ZMIZ1: variants seen among roughly 807,000 people sequenced by gnomAD.
ZMIZ1 encodes the protein zinc finger MIZ-type containing 1.
ZMIZ1 carries 17 observed loss-of-function variants against 113.9 expected under a neutral mutation model. The observed-to-expected ratio is 0.15, with a 90% CI of 0.10 to 0.22. The LOEUF is 0.22. ZMIZ1 is among the 10% of genes least tolerant of loss of function. ZMIZ1 has a pLI of 1.00. For synonymous variants in ZMIZ1, 607 were observed against 603.1 expected (o/e 1.01, Z -0.09); for missense variants, 1,059 against 1,477.8 (o/e 0.72, Z 4.65).
chr10:79,184,525 C>T (rs1326002486), intron 4 of ZMIZ1, among the ~76,000 whole-genome samples: 2 of 152,176 alleles, frequency 1.3e-5, no homozygotes, highest in African/African-American at 2.4e-5. Flanking sequence ...CCAGAGGCGC[C>T]CGGATAAGTG....
intron 2 of ZMIZ1, among the ~76,000 whole-genome samples, chr10:79,125,390 G>A (rs1004424164): frequency 1.3e-5 from 2 of 152,330 alleles, no homozygotes; most frequent in Non-Finnish European, 2.9e-5. Context: ...TTTCCCAAGA[G>A]AGGTAGGTCT....
At chr10:79,305,751 C>CG (rs1564604440) in intron 21 of ZMIZ1, 150 bp downstream of exon 21, 1 of 828,484 alleles carries the variant, frequency 1.2e-6, no homozygotes, top group Admixed American at 2.3e-5. Flanking sequence ...CCCTTACCCT[C>CG]GGGGGCCTCT....
chr10:79,169,868 G>T (rs569430119), intron 4 of ZMIZ1, among the ~76,000 whole-genome samples: 1 of 152,350 alleles, frequency 6.6e-6, no homozygotes, highest in South Asian at 2.1e-4. Flanking sequence ...TGCCCTTGGG[G>T]AGATACCTCC....
intron 2 of ZMIZ1, among the ~76,000 whole-genome samples, chr10:79,120,008 G>T (rs7900752): frequency 0.024 from 3,627 of 148,622 alleles, 133 homozygotes; most frequent in African/African-American, 0.076. Context: ...CCAGTGATGT[G>T]GCAAGCCCCA....
chr10:79,097,705 C>A (rs1843219105), intron 1 of ZMIZ1, among the ~76,000 whole-genome samples: 1 of 152,084 alleles, frequency 6.6e-6, no homozygotes, highest in Admixed American at 6.5e-5. Context: ...AGATTTGGGG[C>A]CTTTGATATA....
intron 7 of ZMIZ1, among the ~76,000 whole-genome samples, chr10:79,229,149 C>A (rs562766694): frequency 2.6e-4 from 40 of 152,358 alleles, no homozygotes; most frequent in Non-Finnish European, 4.0e-4. Context: ...AGCTGTCTCT[C>A]CAGGGACCAT....
chr10:79,207,353 G>A (rs906976363), intron 5 of ZMIZ1, among the ~76,000 whole-genome samples: 1 of 152,188 alleles, frequency 6.6e-6, no homozygotes, highest in African/African-American at 2.4e-5. Flanking sequence ...CAGCCAAATT[G>A]GGCCAGAGCC....
intron 4 of ZMIZ1, among the ~76,000 whole-genome samples, chr10:79,194,815 A>G (rs2099089071): frequency 6.6e-6 from 1 of 152,144 alleles, no homozygotes; most frequent in African/African-American, 2.4e-5. Flanking sequence ...CTTTTCTTGA[A>G]CTAGTCTTCT....
chr10:79,296,717 C>G lies in ZMIZ1; in HGVS notation c.1413+64C>G, dbSNP rs1422092541. 1 of 1,454,182 alleles carries G rather than the reference C, an allele frequency of 6.9e-7. No individual in the cohort carries two copies. Among genetic ancestry groups the G allele is most frequent in the Non-Finnish European group, 9.2e-7 (1 of 1,083,680 alleles). The allele number at this position is 1,454,182 out of a possible 1,614,324, so 90.1% of individuals were successfully genotyped here. On this transcript the variant is annotated intron_variant, in intron 13 of 24. Transcript: ENST00000334512. This position sits in a 1 kb window ranked among gnomAD's most constrained non-coding sequence, Gnocchi z 4.1. ...CCTCCTAACCACCTCACTCCCCTAA[C>G]TCCACCGGGATCACTCTGACCCTGC... is the stretch of plus-strand genomic sequence containing the variant.
At chr10:79,292,490 G>A (rs1457270254) in intron 11 of ZMIZ1, 134 bp downstream of exon 11, 7 of 1,203,944 alleles carry the variant, frequency 5.8e-6, no homozygotes, top group Non-Finnish European at 8.3e-6. Flanking sequence ...GGGTGCATTT[G>A]GGCTTTCATG....
In ZMIZ1 at chr10:79,292,354, C is replaced by T; in HGVS notation, c.955C>T (p.Pro319Ser). 1.9e-6 allele frequency: 3 copies of T among 1,603,982 alleles called. No individual in the cohort carries two copies. The highest frequency in any genetic ancestry group is 2.6e-6 in the Non-Finnish European group (3 of 1,172,246). The change falls in exon 11 of 25, where the codon CCG becomes TCG. Residue 319 changes from proline to serine, a missense_variant and splice_region_variant. Transcript: ENST00000334512. Reference sequence around the variant, plus strand: ...GAACAAGGATATAAACCAGTATGGACCGGTAAGGGTTCCCACTAATCCTGG... The same window carrying T: ...GAACAAGGATATAAACCAGTATGGATCGGTAAGGGTTCCCACTAATCCTGG... The part of the protein sequence containing the change: ...TQNKDINQYG[P>S]MGPTQAYNSQ...
intron 4 of ZMIZ1, among the ~76,000 whole-genome samples, chr10:79,170,959 G>C (rs1217048545): frequency 1.3e-5 from 2 of 152,166 alleles, no homozygotes; most frequent in African/African-American, 2.4e-5. Context: ...GCCATCTCAG[G>C]ACAGGTCCGA....
chr10:79,089,224 G>A (rs899925196), intron 1 of ZMIZ1, among the ~76,000 whole-genome samples: 4 of 152,336 alleles, frequency 2.6e-5, no homozygotes, highest in African/African-American at 9.6e-5. Flanking sequence ...GTTCTCCGTG[G>A]TCCACGGCCG....
chr10:79,100,159 G>A (rs749285568), intron 1 of ZMIZ1, among the ~76,000 whole-genome samples: 1 of 152,108 alleles, frequency 6.6e-6, no homozygotes, highest in African/African-American at 2.4e-5. Flanking sequence ...AGCATGAGGG[G>A]CTGGTGGCTG....
At chr10:79,312,219 T>G (rs1248035451) in intron 24 of ZMIZ1, among the ~76,000 whole-genome samples, 1 of 152,172 alleles carries the variant, frequency 6.6e-6, no homozygotes, top group Non-Finnish European at 1.5e-5. Flanking sequence ...GTTGGGGGGT[T>G]GGGGGCGGTG....
At chr10:79,299,483 T>G (rs1441504642) in intron 16 of ZMIZ1, among the ~76,000 whole-genome samples, 1 of 152,250 alleles carries the variant, frequency 6.6e-6, no homozygotes, top group African/African-American at 2.4e-5. Flanking sequence ...GTATCCCATC[T>G]GAGACCGTGA....
At chr10:79,114,537 G>A (rs11002827) in intron 1 of ZMIZ1, among the ~76,000 whole-genome samples, 20,068 of 139,330 alleles carry the variant, frequency 0.14, 1,755 homozygotes, top group East Asian at 0.24. Flanking sequence ...GTGTGTGTGT[G>A]TGTGAAGGTG....
rs1374631216 is a variant in ZMIZ1 at position 79,242,672 on chromosome 10, C to A, written c.280+26398C>A. Among the ~76,000 whole-genome samples, 3 of 150,924 alleles carry A rather than the reference C, an allele frequency of 2.0e-5. No individual in the cohort carries two copies. The East Asian group carries it at 5.9e-4, about 30-fold the overall frequency. ...AGGATTCGCTGGGGGGCGGGAGACACCCGAAGTCATCCACCGCCAGCGCCT... is the reference window on the plus strand; with the variant it reads ...AGGATTCGCTGGGGGGCGGGAGACAACCGAAGTCATCCACCGCCAGCGCCT... On this transcript the variant is annotated intron_variant, in intron 7 of 24. Coordinates refer to ENST00000334512, the MANE Select transcript of ZMIZ1 (RefSeq NM_020338.4).
rs201631904 is a variant in ZMIZ1, at chr10:79,201,683, C to T, written c.51C>T (p.Cys17=). 1.0e-4 allele frequency: 169 copies of T among 1,613,174 alleles called. 1 individual carries two copies. In the East Asian group the frequency reaches 2.3e-3, roughly 22 times the overall value. ...AGCAGACCAATGACCGACTGCAGTGCATCAAGCAGGTGGGTGTGGGGCAAG... is the reference window on the plus strand; with the variant it reads ...AGCAGACCAATGACCGACTGCAGTGTATCAAGCAGGTGGGTGTGGGGCAAG... ...HIQQTNDRLQ[C]IKQHLQNPAN... Residue 17 remains cysteine, a synonymous_variant, in exon 5 of 25, where the codon TGC becomes TGT. Transcript: ENST00000334512.
Sources: gnomAD v4.1 joint callset for allele counts (sites outside exome capture counted in the v4.1 genomes callset) on GRCh38, gnomAD v4.1.1 for gene constraint, Gnocchi (gnomAD v3.1) non-coding constraint, MANE v1.5 for transcripts, NCBI Gene and HGNC (gene_info 2026-07-23, HGNC 2026-07-21) for gene names.